The following POLDIP3 variants were observed in gnomAD, a reference collection of about 807,000 sequenced individuals.
The protein encoded by POLDIP3 is DNA polymerase delta interacting protein 3, also known as polymerase delta-interacting protein 3.
A neutral mutation model predicts 45.1 loss-of-function variants in POLDIP3; 14 were observed. That is an observed-to-expected ratio of 0.31 (90% CI 0.20 to 0.49). The LOEUF (loss-of-function observed/expected upper bound fraction) is 0.49, where lower values mean the gene tolerates loss of function less well. POLDIP3 is among the 20% of genes least tolerant of loss of function. The probability of loss-of-function intolerance (pLI) is 0.99; values close to 1 mark genes in which losing one functional copy is unlikely to be tolerated. For synonymous variants in POLDIP3, 223 were observed against 205.2 expected, an observed-to-expected ratio of 1.09 and a Z score of -0.74; for missense variants, 511 against 538.8, an observed-to-expected ratio of 0.95 and a Z score of 0.51.
intron 1 of POLDIP3, among the ~76,000 whole-genome samples, chr22:42,607,636 C>G (rs1196352004): frequency 6.6e-6 from 1 of 151,668 alleles, no homozygotes; most frequent in African/African-American, 2.4e-5. Flanking sequence ...CGCCTCTTCC[C>G]GGCCGCCATC....
intron 6 of POLDIP3, among the ~76,000 whole-genome samples, chr22:42,593,560 C>T (rs1925800888): frequency 6.6e-6 from 1 of 152,218 alleles, no homozygotes; most frequent in Non-Finnish European, 1.5e-5. Context: ...CTCTGTCACC[C>T]AGGCTGGAGT....
chr22:42,610,514 G>A (rs1207132657), intron 1 of POLDIP3, among the ~76,000 whole-genome samples: 1 of 152,190 alleles, frequency 6.6e-6, no homozygotes, highest in Non-Finnish European at 1.5e-5. Context: ...ACTGCTTGGA[G>A]GCAGCTGACA....
At chr22:42,594,240 C>A (rs934280930) in intron 6 of POLDIP3, among the ~76,000 whole-genome samples, 2 of 151,958 alleles carry the variant, frequency 1.3e-5, no homozygotes, top group East Asian at 3.9e-4. Flanking sequence ...CCAGCCTGGG[C>A]GACAGAGCAA....
At chr22:42,586,114 A>T in intron 8 of POLDIP3, 146 bp from the exon 9 acceptor site, 1 of 728,604 alleles carries the variant, frequency 1.4e-6, no homozygotes, top group Non-Finnish European at 2.2e-6. Context: ...CCTCGCAGCA[A>T]ACTCAATCAC....
rs551325071 is a variant in POLDIP3 at position 42,600,401 on chromosome 22, C to T, written c.538-608G>A. ...CAGCACTTTGGGAGGCCGAGGAGGG[C>T]GGATCACGAGGTCAGGAGATCGAGA... is the stretch of plus-strand genomic sequence containing the variant. On this transcript the variant is annotated intron_variant, in intron 3 of 8. Coordinates refer to ENST00000252115, the MANE Select transcript of POLDIP3 (RefSeq NM_032311.5). 1.7e-3 allele frequency among the ~76,000 whole-genome samples: 259 copies of T among 151,892 alleles called. 2 individuals carry two copies. Among genetic ancestry groups the T allele is most frequent in the African/African-American group, 5.9e-3 (245 of 41,404 alleles).
intron 3 of POLDIP3, among the ~76,000 whole-genome samples, chr22:42,600,195 C>T (rs537457630): frequency 6.6e-6 from 1 of 152,202 alleles, no homozygotes; most frequent in East Asian, 1.9e-4. Context: ...GTGAAAATGA[C>T]AGGAAAATGG....
chr22:42,606,682 T>G (rs1218578710), intron 1 of POLDIP3, among the ~76,000 whole-genome samples: 1 of 152,104 alleles, frequency 6.6e-6, no homozygotes, highest in Non-Finnish European at 1.5e-5. Flanking sequence ...CAGGATGGAG[T>G]GCAGTGATCA....
chr22:42,598,521 G>T (rs552526652), intron 4 of POLDIP3, among the ~76,000 whole-genome samples: 3 of 152,258 alleles, frequency 2.0e-5, no homozygotes, highest in South Asian at 4.1e-4. Flanking sequence ...AAAGTGCTGG[G>T]ATTACAGGCG....
chr22:42,599,786 T>C lies in POLDIP3; in HGVS notation c.545A>G (p.Tyr182Cys), dbSNP rs537106981. The C allele has an allele frequency of 3.7e-6, 6 of 1,603,998 alleles. No individual in the cohort carries two copies. The African/African-American group carries it at 6.7e-5, about 18-fold the overall frequency. ...ACCATCATCATCTTCATCCAGGTCA[T>C]ATAAATTCTGAGAATATAACATAAA... is the stretch of plus-strand genomic sequence containing the variant. ...VNNHQAKQNL[Y>C]DLDEDDDGIA... is the part of the protein sequence containing the mutation. The change falls in exon 4 of 9, where the codon TAT becomes TGT. Residue 182 changes from tyrosine (Y) to cysteine (C), a missense_variant. This residue lies in a region of POLDIP3 where 378 missense variants were observed against 352.3 expected (regional missense o/e 1.07). Transcript: ENST00000252115.
chr22:42,598,301 G>A (rs1483534065), intron 4 of POLDIP3, among the ~76,000 whole-genome samples: 1 of 149,140 alleles, frequency 6.7e-6, no homozygotes, highest in Non-Finnish European at 1.5e-5. Flanking sequence ...GCCCAGGCTG[G>A]AGTGCAGTGG....
chr22:42,602,168 A>T, intron 2 of POLDIP3, 112 bp from the exon 3 acceptor site: 1 of 1,545,940 alleles, frequency 6.5e-7, no homozygotes, highest in Non-Finnish European at 8.8e-7. Context: ...GTCTTTGGTA[A>T]AAGGCACTAC....
intron 1 of POLDIP3, among the ~76,000 whole-genome samples, chr22:42,607,703 A>G (rs1256962440): frequency 6.9e-6 from 1 of 145,156 alleles, no homozygotes; most frequent in Admixed American, 6.9e-5. Flanking sequence ...AGATGTGGGG[A>G]GAGCCTCTGC....
intron 6 of POLDIP3, among the ~76,000 whole-genome samples, chr22:42,593,493 A>G: frequency 6.6e-6 from 1 of 152,182 alleles, no homozygotes. Flanking sequence ...AGTAAATGGC[A>G]GTTGTTATTA....
intron 6 of POLDIP3, among the ~76,000 whole-genome samples, chr22:42,594,478 T>A (rs917761142): frequency 6.6e-6 from 1 of 152,102 alleles, no homozygotes; most frequent in South Asian, 2.1e-4. Flanking sequence ...ACCATTACAC[T>A]CTAGCTTGGG....
intron 7 of POLDIP3, among the ~76,000 whole-genome samples, chr22:42,590,295 C>A: frequency 6.6e-6 from 1 of 152,172 alleles, no homozygotes; most frequent in Non-Finnish European, 1.5e-5. Context: ...CTCAAGTGAT[C>A]CTCCCACCTC....
At chr22:42,588,686 T>C (rs1925476598) in intron 7 of POLDIP3, among the ~76,000 whole-genome samples, 2 of 150,266 alleles carry the variant, frequency 1.3e-5, no homozygotes. Context: ...TGGAGGGCAA[T>C]GGTGCGATCT....
chr22:42,588,456 CAAAAA>C (rs137093), intron 7 of POLDIP3, among the ~76,000 whole-genome samples: 6 of 101,512 alleles, frequency 5.9e-5, no homozygotes, highest in Admixed American at 1.0e-4. Context: ...GACTCCACCT[CAAAAA>C]AAAAAAAAAA....
chr22:42,587,722 G>T, intron 7 of POLDIP3, 150 bp from the exon 8 acceptor site: 2 of 740,006 alleles, frequency 2.7e-6, no homozygotes, highest in Non-Finnish European at 4.5e-6. Context: ...CTAGGTTCCA[G>T]TCAAGCCAGA....
intron 6 of POLDIP3, 24 bp downstream of exon 6, chr22:42,595,513 T>G: frequency 3.7e-6 from 6 of 1,606,492 alleles, no homozygotes; most frequent in Non-Finnish European, 5.1e-6. Flanking sequence ...GAGATTTAAA[T>G]GTTTGGTAGG....
Sources: gnomAD v4.1 joint callset for allele counts (sites outside exome capture counted in the v4.1 genomes callset) on GRCh38, gnomAD v4.1.1 for gene constraint, gnomAD v4.1.1 regional missense constraint, MANE v1.5 for transcripts, NCBI Gene and HGNC (gene_info 2026-07-23, HGNC 2026-07-21) for gene names.